Variants in CDYL observed in about 807,000 individuals in gnomAD.
The protein encoded by CDYL is chromodomain Y-like protein.
A neutral mutation model predicts 47.3 loss-of-function variants in CDYL; 8 were observed. That is an observed-to-expected ratio of 0.17 (90% CI 0.10 to 0.31). CDYL has a LOEUF of 0.31. Ranked by LOEUF, CDYL falls within the 10% of genes least tolerant of loss-of-function variation. The pLI, the probability that CDYL is intolerant of heterozygous loss-of-function variation, is 1.00. For synonymous variants in CDYL, 266 were observed against 265.0 expected, an observed-to-expected ratio of 1.00 and a Z score of -0.04; for missense variants, 471 against 701.4, an observed-to-expected ratio of 0.67 and a Z score of 3.71.
intron 1 of CDYL, among the ~76,000 whole-genome samples, chr6:4,884,706 AG>A (rs1761855757): frequency 6.6e-6 from 1 of 152,224 alleles, no homozygotes; most frequent in African/African-American, 2.4e-5. Flanking sequence ...GGATGTGGGC[AG>A]GCATGCCCAT....
At chr6:4,721,689 C>T (rs1270714995) in intron 2 of CDYL, among the ~76,000 whole-genome samples, 1 of 151,692 alleles carries the variant, frequency 6.6e-6, no homozygotes, top group Admixed American at 6.6e-5. Context: ...CCCAGAACTT[C>T]CTAAGAAACA....
At chr6:4,928,712 A>T (rs910367765) in intron 2 of CDYL, 1 of 152,192 alleles carries the variant, frequency 6.6e-6, no homozygotes, top group African/African-American at 2.4e-5. Context: ...TGCATAGCCT[A>T]TAAACTGTTT....
intron 1 of CDYL, among the ~76,000 whole-genome samples, chr6:4,890,576 T>C (rs1408975951): frequency 6.6e-6 from 1 of 152,222 alleles, no homozygotes; most frequent in East Asian, 1.9e-4. Flanking sequence ...TTTATTTCTT[T>C]GAGAGCAGAG....
In CDYL at chr6:4,749,728, A is replaced by T. The variant is rs74472590; in HGVS notation, c.186+14884A>T. On this transcript the variant is annotated intron_variant, in intron 3 of 8. Transcript: ENST00000328908. ...ATCTCATCGGAAACCTAAGACATGG[A>T]TGTAAGCAGAAATGATTAGCAATAC... Among the ~76,000 whole-genome samples the T allele has an allele frequency of 8.3e-3, 1,263 of 152,358 alleles. 13 individuals carry two copies. The highest frequency in any genetic ancestry group is 0.028 in the African/African-American group (1,178 of 41,588).
chr6:4,891,666 C>A, intron 1 of CDYL, 47 bp from the exon 2 acceptor site: 2 of 1,482,488 alleles, frequency 1.3e-6, no homozygotes, highest in South Asian at 2.7e-5. Context: ...CACTTTTCCC[C>A]CCAAATTTTG....
chr6:4,722,463 G>C (rs1465625204), intron 2 of CDYL, among the ~76,000 whole-genome samples: 2 of 152,148 alleles, frequency 1.3e-5, no homozygotes, highest in Admixed American at 6.5e-5. Context: ...TCTTCCGAAA[G>C]ATAAGAAAAT....
chr6:4,814,924 A>AT (rs1415422647), intron 1 of CDYL, among the ~76,000 whole-genome samples: 4 of 152,208 alleles, frequency 2.6e-5, no homozygotes, highest in African/African-American at 4.8e-5. Flanking sequence ...GAGGGAGAGG[A>AT]TGAAGAGAGC....
chr6:4,727,170 G>T (rs1757528228), intron 2 of CDYL, among the ~76,000 whole-genome samples: 1 of 152,114 alleles, frequency 6.6e-6, no homozygotes, highest in African/African-American at 2.4e-5. Context: ...CCAACACAAG[G>T]AATGGGGTGA....
chr6:4,820,900 C>A (rs971473674), intron 1 of CDYL, among the ~76,000 whole-genome samples: 4 of 152,194 alleles, frequency 2.6e-5, no homozygotes, highest in Non-Finnish European at 5.9e-5. Flanking sequence ...TGTAAAACAT[C>A]CGCAGGCCTT....
intron 2 of CDYL, among the ~76,000 whole-genome samples, chr6:4,927,976 A>G (rs1382458292): frequency 6.6e-6 from 1 of 152,194 alleles, no homozygotes; most frequent in Non-Finnish European, 1.5e-5. Context: ...TATCCTCATC[A>G]TAGAAGCTGT....
At chr6:4,758,546 C>T (rs1468980044) in intron 3 of CDYL, among the ~76,000 whole-genome samples, 1 of 151,400 alleles carries the variant, frequency 6.6e-6, no homozygotes, top group East Asian at 2.0e-4. Context: ...ACCTGTAAAC[C>T]CAGCTACTTG....
chr6:4,823,136 TAGATA>T (rs1295539501), intron 1 of CDYL, among the ~76,000 whole-genome samples: 2 of 152,108 alleles, frequency 1.3e-5, no homozygotes, highest in Admixed American at 1.3e-4. Flanking sequence ...AAACAAGGAG[TAGATA>T]AGTTTATTTT....
intron 2 of CDYL, among the ~76,000 whole-genome samples, chr6:4,719,725 G>A (rs9392062): frequency 0.13 from 19,495 of 152,094 alleles, 1,533 homozygotes; most frequent in African/African-American, 0.23. Flanking sequence ...TTTTGAATTA[G>A]AATCAGATAC....
At chr6:4,899,883 A>G (rs573201321) in intron 2 of CDYL, among the ~76,000 whole-genome samples, 1 of 152,192 alleles carries the variant, frequency 6.6e-6, no homozygotes, top group South Asian at 2.1e-4. Flanking sequence ...CACTCTGGAT[A>G]GGGAACCAAG....
intron 1 of CDYL, among the ~76,000 whole-genome samples, chr6:4,814,848 T>C (rs1759626278): frequency 1.3e-5 from 2 of 152,336 alleles, no homozygotes; most frequent in South Asian, 4.1e-4. Context: ...GAATAGATCC[T>C]ACAGATGTGC....
Position 4,892,373 on chromosome 6 carries a change from G to T in CDYL, c.685G>T (p.Gly229Trp). 1 of 1,605,506 alleles carries T rather than the reference G, an allele frequency of 6.2e-7. No individual in the cohort carries two copies. The highest frequency in any genetic ancestry group is 1.1e-5 in the South Asian group (1 of 89,912). The stretch of plus-strand genomic sequence containing the variant: ...CATGGCCACAGGCTTAGCTGTTAAC[G>T]GGAAAGGTGAGTGTCTAGGGAGCTG... ...AAMATGLAVNGKGTSPFMDAL... is the reference protein window; with the variant it reads ...AAMATGLAVNWKGTSPFMDAL... Residue 229 changes from glycine (G) to tryptophan (W), a missense_variant, in exon 2 of 7, where the codon GGG becomes TGG. Coordinates refer to ENST00000397588, the MANE Select transcript of CDYL (RefSeq NM_004824.4).
chr6:4,915,505 C>T (rs1757532302), intron 2 of CDYL, among the ~76,000 whole-genome samples: 1 of 152,166 alleles, frequency 6.6e-6, no homozygotes, highest in African/African-American at 2.4e-5. Flanking sequence ...GGGGCAGACA[C>T]ACCTCATTAT....
chr6:4,778,519 A>G (rs1277510230), intron 1 of CDYL, among the ~76,000 whole-genome samples: 3 of 152,168 alleles, frequency 2.0e-5, no homozygotes, highest in African/African-American at 7.2e-5. Flanking sequence ...TTTAACGTTT[A>G]TTGAATGCTT....
intron 3 of CDYL, among the ~76,000 whole-genome samples, chr6:4,743,932 G>A (rs1004878136): frequency 1.3e-5 from 2 of 152,220 alleles, no homozygotes; most frequent in African/African-American, 4.8e-5. Context: ...ACCTACAGGT[G>A]AGTGTGATAA....
Sources: gnomAD v4.1 joint callset for allele counts (sites outside exome capture counted in the v4.1 genomes callset) on GRCh38, gnomAD v4.1.1 for gene constraint, MANE v1.5 for transcripts, NCBI Gene and HGNC (gene_info 2026-07-23, HGNC 2026-07-21) for gene names.